Variants in CDH18 observed in about 807,000 individuals in gnomAD.
The protein encoded by CDH18 is cadherin 18.
A neutral mutation model predicts 67.9 loss-of-function variants in CDH18; 31 were observed. That is an observed-to-expected ratio of 0.46 (90% CI 0.34 to 0.62). CDH18 has a LOEUF of 0.62. CDH18 is among the 20% of genes least tolerant of loss of function. The pLI, the probability that CDH18 is intolerant of heterozygous loss-of-function variation, is 0.01. For synonymous variants in CDH18, 362 were observed against 347.2 expected (o/e 1.04, Z -0.48); for missense variants, 890 against 975.5 (o/e 0.91, Z 1.17).
intron 3 of CDH18, among the ~76,000 whole-genome samples, chr5:19,792,536 T>G (rs942250856): frequency 6.6e-6 from 1 of 152,148 alleles, no homozygotes; most frequent in Non-Finnish European, 1.5e-5. Context: ...ATTCCCACAG[T>G]AAATCTCCTC....
intron 2 of CDH18, among the ~76,000 whole-genome samples, chr5:20,110,789 C>T (rs545673258): frequency 4.6e-5 from 7 of 152,096 alleles, no homozygotes; most frequent in Non-Finnish European, 7.4e-5. Context: ...GTAGTGGCAG[C>T]GTAATGAAAA....
At chr5:20,223,821 A>T (rs934205488) in intron 2 of CDH18, among the ~76,000 whole-genome samples, 1 of 152,080 alleles carries the variant, frequency 6.6e-6, no homozygotes, top group African/African-American at 2.4e-5. Context: ...ACCAGGTAAA[A>T]CGTGACTTTG....
chr5:19,644,687 A>G (rs1330439381), intron 5 of CDH18, among the ~76,000 whole-genome samples: 1 of 152,040 alleles, frequency 6.6e-6, no homozygotes, highest in Non-Finnish European at 1.5e-5. Context: ...ATTGAACAGG[A>G]TGTTTGTTTT....
intron 6 of CDH18, among the ~76,000 whole-genome samples, chr5:19,597,411 A>G (rs1284301396): frequency 1.3e-5 from 2 of 152,192 alleles, no homozygotes; most frequent in Non-Finnish European, 1.5e-5. Flanking sequence ...AGCTATACAC[A>G]CTTTTGCAGT....
intron 1 of CDH18, among the ~76,000 whole-genome samples, chr5:20,334,503 G>A (rs964107557): frequency 1.3e-5 from 2 of 151,988 alleles, no homozygotes; most frequent in African/African-American, 4.8e-5. Context: ...TTCAGACGAT[G>A]TTTAAATAAC....
At chr5:19,593,794 T>C (rs947670961) in intron 6 of CDH18, among the ~76,000 whole-genome samples, 8 of 149,924 alleles carry the variant, frequency 5.3e-5, no homozygotes, top group Non-Finnish European at 1.0e-4. Flanking sequence ...GAGTTTTATT[T>C]TGGAAATAAG....
At chr5:20,475,612 AG>A (rs982936933) in intron 1 of CDH18, among the ~76,000 whole-genome samples, 1 of 151,772 alleles carries the variant, frequency 6.6e-6, no homozygotes, top group Non-Finnish European at 1.5e-5. Context: ...AAGTTCTAAA[AG>A]TTTTTAAATA....
chr5:20,112,626 A>C (rs1474874666), intron 2 of CDH18, among the ~76,000 whole-genome samples: 3 of 152,186 alleles, frequency 2.0e-5, no homozygotes, highest in African/African-American at 7.2e-5. Flanking sequence ...AGGCAGGAGA[A>C]TTGCTTGAAC....
rs550389823 is a variant in CDH18, at chr5:19,603,413, G to A, written c.811+9021C>T. 1.8e-3 allele frequency among the ~76,000 whole-genome samples: 274 copies of A among 152,124 alleles called. 2 individuals are homozygous for A. Among genetic ancestry groups the A allele is most frequent in the Non-Finnish European group, 2.8e-3 (191 of 67,970 alleles). ...GTACAAAGTTTTACTTTTGCAAGAC[G>A]AAAAGACTTCTGTATTTCAATAGTA... is the stretch of plus-strand genomic sequence containing the variant. On this transcript the variant is annotated intron_variant, in intron 6 of 12. Coordinates refer to ENST00000382275, the MANE Select transcript of CDH18 (RefSeq NM_004934.5).
chr5:20,284,908 A>G (rs562999634), intron 1 of CDH18, among the ~76,000 whole-genome samples: 1 of 152,026 alleles, frequency 6.6e-6, no homozygotes, highest in African/African-American at 2.4e-5. Context: ...CATGGTCTAT[A>G]ATGTTGTACT....
intron 2 of CDH18, among the ~76,000 whole-genome samples, chr5:19,938,268 G>A (rs976089958): frequency 6.6e-6 from 1 of 150,982 alleles, no homozygotes; most frequent in African/African-American, 2.4e-5. Context: ...CTGGGTTATG[G>A]AAAACTTACT....
At chr5:19,925,616 T>C (rs897708476) in intron 2 of CDH18, among the ~76,000 whole-genome samples, 3 of 152,052 alleles carry the variant, frequency 2.0e-5, no homozygotes, top group African/African-American at 4.8e-5. Flanking sequence ...GCCTCCCAAG[T>C]AGCTGGGATC....
intron 3 of CDH18, among the ~76,000 whole-genome samples, chr5:19,760,056 C>T (rs777596064): frequency 3.9e-5 from 6 of 152,126 alleles, no homozygotes; most frequent in African/African-American, 9.7e-5. Context: ...CAGAGCTCTA[C>T]GCGAGTCACA....
In CDH18 at chr5:20,333,153, GA is replaced by G. The variant is rs200202894; in HGVS notation, c.-579-77649del. 8.7e-3 allele frequency among the ~76,000 whole-genome samples: 1,330 copies of G among 152,110 alleles called. 8 individuals carry two copies. The highest frequency in any genetic ancestry group is 0.017 in the Middle Eastern group (5 of 294). ...GAATTTATCTCAAGGGATACAACCA[GA>G]ACAACATTGATAGGAAGTTTATTGG... On this transcript the variant is annotated intron_variant, in intron 1 of 14. Transcript: ENST00000507958.
At chr5:20,222,936 G>T (rs1018394813) in intron 2 of CDH18, among the ~76,000 whole-genome samples, 2 of 151,776 alleles carry the variant, frequency 1.3e-5, no homozygotes, top group Admixed American at 1.3e-4. Context: ...ATTCTATTTT[G>T]CCAAAGTAGT....
chr5:20,501,514 ATT>A (rs1561068805), intron 1 of CDH18, among the ~76,000 whole-genome samples: 1 of 34,178 alleles, frequency 2.9e-5, no homozygotes, highest in African/African-American at 8.8e-5. Flanking sequence ...TTTTATATAT[ATT>A]ATATACATAT....
intron 3 of CDH18, among the ~76,000 whole-genome samples, chr5:19,750,736 T>C (rs1247523228): frequency 2.0e-5 from 3 of 147,810 alleles, no homozygotes; most frequent in Non-Finnish European, 3.0e-5. Context: ...GAAGATAAAT[T>C]AGATTTTAGT....
At chr5:20,235,138 T>G (rs2126520175) in intron 2 of CDH18, among the ~76,000 whole-genome samples, 2 of 152,190 alleles carry the variant, frequency 1.3e-5, no homozygotes, top group Middle Eastern at 6.8e-3. Flanking sequence ...TCAAGATAGA[T>G]TTTAGACTTA....
chr5:20,259,193 C>G (rs114828764), intron 1 of CDH18, among the ~76,000 whole-genome samples: 3,747 of 152,150 alleles, frequency 0.025, 162 homozygotes, highest in African/African-American at 0.084. Flanking sequence ...TTTGAAGATG[C>G]TCAGGCCCTC....
Sources: gnomAD v4.1 joint callset for allele counts (sites outside exome capture counted in the v4.1 genomes callset) on GRCh38, gnomAD v4.1.1 for gene constraint, MANE v1.5 for transcripts, NCBI Gene and HGNC (gene_info 2026-07-23, HGNC 2026-07-21) for gene names.